Variants in UBE4A observed in about 807,000 individuals in gnomAD.
UBE4A encodes ubiquitination factor E4A.
A neutral mutation model predicts 117.9 loss-of-function variants in UBE4A; 48 were observed. That is an observed-to-expected ratio of 0.41 (90% CI 0.32 to 0.52). The LOEUF is 0.52. UBE4A is among the 20% of genes least tolerant of loss of function. The pLI, the probability that UBE4A is intolerant of heterozygous loss-of-function variation, is 0.33. For synonymous variants in UBE4A, 407 were observed against 450.0 expected (o/e 0.90, Z 1.21); for missense variants, 1,067 against 1,296.3 (o/e 0.82, Z 2.72).
At chr11:118,365,610 G>A (rs1169523784) in intron 2 of UBE4A, among the ~76,000 whole-genome samples, 1 of 152,196 alleles carries the variant, frequency 6.6e-6, no homozygotes, top group Non-Finnish European at 1.5e-5. Context: ...GCTATAGAAA[G>A]CAGATGTAAA....
chr11:118,390,522 G>T, intron 17 of UBE4A, 135 bp from the exon 18 acceptor site: 1 of 275,684 alleles, frequency 3.6e-6, no homozygotes, highest in Non-Finnish European at 6.7e-6. Flanking sequence ...AATATATATT[G>T]AAATAAGTCT....
Position 118,390,817 on chromosome 11 carries a change from A to G in UBE4A, c.2916+13A>G, listed in dbSNP as rs1591308553. The G allele has an allele frequency of 1.2e-6, 2 of 1,609,076 alleles. No homozygotes were observed. The highest frequency in any genetic ancestry group is 4.5e-5 in the East Asian group (2 of 44,440). On this transcript the variant is annotated intron_variant, in intron 18 of 19. Coordinates refer to ENST00000252108, the MANE Select transcript of UBE4A (RefSeq NM_001204077.2). ...AGAGAGAATCAAGGTGAGGAAGAGG[A>G]GGAATTGTTTGCTGATTTCATTAAG...
rs146188551 is a variant in UBE4A, at chr11:118,382,665, A to C, written c.2086A>C (p.Asn696His). The C allele has an allele frequency of 1.1e-5, 17 of 1,605,858 alleles. No homozygotes were observed. Among genetic ancestry groups the C allele is most frequent in the Middle Eastern group, 3.3e-4 (2 of 6,042 alleles). ...GATGCCCCACCTGGATCAGACCCCA[A>C]ATCCCTTGGTATCCAGTGTGTTCCA... ...AVMPHLDQTP[N>H]PLVSSVFHRK... is the part of the protein sequence containing the mutation. The change falls in exon 13 of 20, where the codon AAT becomes CAT. Residue 696 changes from asparagine to histidine, a missense_variant. By Grantham distance (68) the Asn-to-His change is moderately conservative. This residue lies in a region of UBE4A where 1,001 missense variants were observed against 1,184.0 expected (regional missense o/e 0.85). Transcript: ENST00000252108.
rs868925738 is a variant in UBE4A, at chr11:118,390,448, A to T, written c.2769-209A>T. ...ATATAATTTTATATAATTATAATAA[A>T]ATATATATTATATTTTATTATTATA... On this transcript the variant is annotated intron_variant, in intron 17 of 19. Transcript: ENST00000252108. Among the ~76,000 whole-genome samples the T allele has an allele frequency of 1.3e-3, 194 of 145,858 alleles. 1 individual carries two copies. The highest frequency in any genetic ancestry group is 4.6e-3 in the African/African-American group (183 of 40,208).
intron 11 of UBE4A, among the ~76,000 whole-genome samples, chr11:118,380,423 A>T (rs1412923293): frequency 6.6e-6 from 1 of 151,848 alleles, no homozygotes; most frequent in Non-Finnish European, 1.5e-5. Context: ...TCTCTACAAA[A>T]AATAAAAAAT....
chr11:118,369,471 A>T lies in UBE4A; in HGVS notation c.344A>T (p.Tyr115Phe), dbSNP rs754113373. ...AATGGCATCCCTAGCCGTTGTGTGT[A>T]TTTGGAAGAAATGGCAGTAGAGCTA... ...SGNGIPSRCV[Y>F]LEEMAVELED... The change falls in exon 4 of 20, where the codon TAT becomes TTT. Residue 115 changes from tyrosine (Y) to phenylalanine (F), a missense_variant. Around this residue, in one of 3 missense-constraint regions of UBE4A, gnomAD observed 1,001 missense variants for 1,184.0 expected, o/e 0.85. Coordinates refer to ENST00000252108, the MANE Select transcript of UBE4A (RefSeq NM_001204077.2). The T allele has an allele frequency of 8.1e-6, 13 of 1,614,082 alleles. No individual in the cohort carries two copies. In the South Asian group the frequency reaches 1.3e-4, roughly 16 times the overall value.
At chr11:118,382,463 A>C (rs1948713682) in intron 12 of UBE4A, 126 bp from the exon 13 acceptor site, 4 of 464,324 alleles carry the variant, frequency 8.6e-6, no homozygotes, top group Non-Finnish European at 1.2e-5. Context: ...TTAAAACTGC[A>C]GAAGTGGATC....
rs574905230 is a variant in UBE4A at position 118,394,596 on chromosome 11, C to A, written c.3074+1701C>A. On this transcript the variant is annotated intron_variant, in intron 19 of 19. Transcript: ENST00000252108. The stretch of plus-strand genomic sequence containing the variant: ...GACCAGCCTGGCCAACATGGTGAAA[C>A]CCCGTCTCTACTAAAAATACAAAAA... Among the ~76,000 whole-genome samples, 271 of 152,058 alleles carry A rather than the reference C, an allele frequency of 1.8e-3. 2 individuals carry two copies. The highest frequency in any genetic ancestry group is 6.4e-3 in the African/African-American group (264 of 41,494).
intron 1 of UBE4A, among the ~76,000 whole-genome samples, chr11:118,364,361 A>G (rs2134085050): frequency 1.3e-5 from 2 of 152,278 alleles, no homozygotes; most frequent in Admixed American, 1.3e-4. Context: ...TCAGGTAAAC[A>G]GTGAAGGTTA....
chr11:118,364,181 A>G (rs1219232181), intron 1 of UBE4A, among the ~76,000 whole-genome samples: 2 of 152,034 alleles, frequency 1.3e-5, no homozygotes, highest in Non-Finnish European at 2.9e-5. Context: ...AGCCCTGTTT[A>G]TTCTGTTGTG....
chr11:118,390,601 C>G, intron 17 of UBE4A, 56 bp from the exon 18 acceptor site: 2 of 1,394,794 alleles, frequency 1.4e-6, no homozygotes, highest in African/African-American at 1.5e-5. Flanking sequence ...TACCTATTGT[C>G]TCTTCCATTG....
In UBE4A at chr11:118,368,698, C is replaced by T. The variant is rs757992456; in HGVS notation, c.189C>T (p.Tyr63=). The change falls in exon 3 of 20, where the codon TAC becomes TAT. Residue 63 remains tyrosine, a synonymous_variant. Transcript: ENST00000252108. The stretch of plus-strand genomic sequence containing the variant: ...CAGAGAGCCTGGATGAATTCGATTA[C>T]TCTGTGGCTGAGATTAGCCGCTCAT... The part of the protein sequence containing the change: ...SVSESLDEFD[Y]SVAEISRSFR... 1.2e-6 allele frequency: 2 copies of T among 1,614,206 alleles called. No homozygotes were observed. The highest frequency in any genetic ancestry group is 2.2e-5 in the South Asian group (2 of 91,086).
At chr11:118,394,567 T>C (rs1400201477) in intron 19 of UBE4A, among the ~76,000 whole-genome samples, 1 of 152,028 alleles carries the variant, frequency 6.6e-6, no homozygotes, top group African/African-American at 2.4e-5. Flanking sequence ...GATCAGGAGT[T>C]CGAGACCAGC....
chr11:118,367,740 C>T (rs567531637), intron 2 of UBE4A, among the ~76,000 whole-genome samples: 82 of 152,092 alleles, frequency 5.4e-4, no homozygotes, highest in African/African-American at 1.9e-3. Flanking sequence ...CCTCGTGATC[C>T]GCCTGCCTCA....
Position 118,368,636 on chromosome 11 carries a change from C to G in UBE4A, c.127C>G (p.Leu43Val). ...CAGTATACATTTTCTGGCAGATGAA[C>G]TCCCAGCTAGCCCAGATGACTCGGA... ...KEQLKQQSDELPASPDDSDNS... is the reference protein window; with the variant it reads ...KEQLKQQSDEVPASPDDSDNS... Residue 43 changes from leucine to valine, a missense_variant, in exon 3 of 20, where the codon CTC (leucine) becomes GTC (valine). By Grantham distance (32) the Leu-to-Val change is conservative. Transcript: ENST00000252108. 1.2e-6 allele frequency: 2 copies of G among 1,614,102 alleles called. No individual in the cohort carries two copies. Among genetic ancestry groups the G allele is most frequent in the Non-Finnish European group, 1.7e-6 (2 of 1,179,982 alleles).
At chr11:118,372,809 G>C in intron 6 of UBE4A, 143 bp downstream of exon 6, 1 of 1,251,932 alleles carries the variant, frequency 8.0e-7, no homozygotes, top group Non-Finnish European at 1.1e-6. Flanking sequence ...CTTTGAGGTT[G>C]AGTACCAATA....
At chr11:118,372,826 A>G in intron 6 of UBE4A, 160 bp downstream of exon 6, 1 of 1,137,858 alleles carries the variant, frequency 8.8e-7, no homozygotes, top group South Asian at 1.5e-5. Flanking sequence ...AATAGAATAA[A>G]GCTGGGCATG....
Position 118,384,876 on chromosome 11 carries a change from C to T in UBE4A, c.2343C>T (p.Pro781=). The change falls in exon 15 of 20, where the codon CCC becomes CCT. Residue 781 remains proline, a synonymous_variant. Coordinates refer to ENST00000252108, the MANE Select transcript of UBE4A (RefSeq NM_001204077.2). ...YASKNLEAMN[P]PLFLRFLNLL... Reference sequence around the variant, plus strand: ...CTAAGAATTTAGAAGCCATGAATCCCCCACTTTTCCTCCGCTTTCTTAACC... The same window carrying T: ...CTAAGAATTTAGAAGCCATGAATCCTCCACTTTTCCTCCGCTTTCTTAACC... 6.2e-7 allele frequency: 1 copy of T among 1,613,624 alleles called. No individual in the cohort carries two copies. Among genetic ancestry groups the T allele is most frequent in the Non-Finnish European group, 8.5e-7 (1 of 1,179,940 alleles).
intron 17 of UBE4A, among the ~76,000 whole-genome samples, 181 bp from the exon 18 acceptor site, chr11:118,390,473 AAAT>A (rs1202129930): frequency 1.2e-4 from 18 of 145,802 alleles, no homozygotes; most frequent in Non-Finnish European, 2.0e-4. Flanking sequence ...TTATTATTAT[AAAT>A]AATAAATAAT....
Sources: allele counts gnomAD v4.1 joint callset (sites outside exome capture counted in the v4.1 genomes callset), GRCh38; gene constraint gnomAD v4.1.1; regional missense constraint gnomAD v4.1.1; transcripts MANE v1.5; gene names NCBI Gene and HGNC (gene_info 2026-07-23, HGNC 2026-07-21).